CDH13: variants seen among roughly 807,000 people sequenced by gnomAD.
CDH13 encodes the protein cadherin-13.
Under a neutral mutation model 63.8 loss-of-function variants are expected in CDH13, and 24 were observed. The observed-to-expected ratio is 0.38, with a 90% CI of 0.27 to 0.53. The LOEUF is 0.53. Among genes scored for constraint, CDH13 ranks in the 20% least tolerant of loss-of-function variants. CDH13 has a pLI of 0.85. For synonymous variants in CDH13, 503 were observed against 355.3 expected (o/e 1.42, Z -4.67); for missense variants, 1,049 against 903.1 (o/e 1.16, Z -2.07).
chr16:83,424,199 A>G (rs1216982499), intron 6 of CDH13, among the ~76,000 whole-genome samples: 1 of 151,854 alleles, frequency 6.6e-6, no homozygotes, highest in Non-Finnish European at 1.5e-5. Context: ...AACAGTCTAG[A>G]AGGGGGAAAT....
chr16:83,126,217 G>A (rs1338444403), intron 4 of CDH13, among the ~76,000 whole-genome samples: 3 of 152,150 alleles, frequency 2.0e-5, no homozygotes, highest in Non-Finnish European at 4.4e-5. Context: ...TTCTGCGGAA[G>A]GGTGCTGCTT....
At chr16:83,172,574 A>AAAAC (rs770024083) in intron 4 of CDH13, among the ~76,000 whole-genome samples, 1 of 149,732 alleles carries the variant, frequency 6.7e-6, no homozygotes. Flanking sequence ...CAAAAAATGC[A>AAAAC]AAACAAACAA....
At chr16:83,225,588 G>A (rs531476587) in intron 5 of CDH13, among the ~76,000 whole-genome samples, 187 of 152,242 alleles carry the variant, frequency 1.2e-3, no homozygotes, top group Non-Finnish European at 2.0e-3. Context: ...CCTTGGGGTC[G>A]GCAGAACCAG....
intron 7 of CDH13, among the ~76,000 whole-genome samples, chr16:83,520,084 A>T (rs566558079): frequency 6.6e-6 from 1 of 152,204 alleles, no homozygotes; most frequent in Non-Finnish European, 1.5e-5. Flanking sequence ...TCAAGTGCTG[A>T]CAAGTATGTA....
chr16:83,781,412 C>T (rs949850978), intron 12 of CDH13, among the ~76,000 whole-genome samples: 14 of 152,206 alleles, frequency 9.2e-5, no homozygotes, highest in African/African-American at 3.1e-4. Context: ...CTTCTTATGT[C>T]AGTGGTAGAA....
chr16:82,669,341 T>G (rs1912970077), intron 1 of CDH13, among the ~76,000 whole-genome samples: 1 of 152,226 alleles, frequency 6.6e-6, no homozygotes, highest in Admixed American at 6.5e-5. Context: ...TATATTACCC[T>G]ATCAAGCTTA....
At chr16:83,304,857 C>T (rs184756849) in intron 5 of CDH13, among the ~76,000 whole-genome samples, 1 of 152,136 alleles carries the variant, frequency 6.6e-6, no homozygotes, top group African/African-American at 2.4e-5. Flanking sequence ...CCCCACCTTT[C>T]CTCTCTCTGT....
chr16:83,635,053 A>T (rs1210508984), intron 8 of CDH13, among the ~76,000 whole-genome samples: 3 of 152,202 alleles, frequency 2.0e-5, no homozygotes, highest in Non-Finnish European at 4.4e-5. Flanking sequence ...GGAGAAATCC[A>T]GTTCTTCCAC....
intron 1 of CDH13, among the ~76,000 whole-genome samples, chr16:82,820,287 G>A (rs565904272): frequency 5.3e-5 from 8 of 152,160 alleles, no homozygotes; most frequent in Admixed American, 2.0e-4. Context: ...CTGAGTACAC[G>A]TTTACGTTGG....
chr16:82,673,275 C>G (rs1913511752), intron 1 of CDH13, among the ~76,000 whole-genome samples: 1 of 152,138 alleles, frequency 6.6e-6, no homozygotes, highest in African/African-American at 2.4e-5. Context: ...TCTCTTTCCT[C>G]TGTCATTCAT....
At chr16:83,741,347 C>A (rs1912040144) in intron 10 of CDH13, among the ~76,000 whole-genome samples, 1 of 152,072 alleles carries the variant, frequency 6.6e-6, no homozygotes, top group Non-Finnish European at 1.5e-5. Context: ...CCTACTGTTT[C>A]CCTTCTTTCC....
intron 3 of CDH13, among the ~76,000 whole-genome samples, chr16:83,084,094 C>T (rs756862328): frequency 3.9e-5 from 6 of 152,162 alleles, no homozygotes; most frequent in Non-Finnish European, 7.3e-5. Context: ...TGGCAAAAAC[C>T]AATTTTCAGA....
chr16:82,996,074 G>A (rs571679373), intron 2 of CDH13, among the ~76,000 whole-genome samples: 17 of 152,054 alleles, frequency 1.1e-4, no homozygotes, highest in African/African-American at 3.9e-4. Context: ...AGATTAAAAG[G>A]CTTACCGGGC....
intron 1 of CDH13, among the ~76,000 whole-genome samples, chr16:82,789,366 C>T (rs1446788952): frequency 6.6e-6 from 1 of 152,120 alleles, no homozygotes; most frequent in South Asian, 2.1e-4. Flanking sequence ...TATAAAGAGG[C>T]TGATATATGC....
intron 3 of CDH13, among the ~76,000 whole-genome samples, chr16:83,089,485 A>G (rs2033787687): frequency 6.6e-6 from 1 of 152,128 alleles, no homozygotes; most frequent in African/African-American, 2.4e-5. Context: ...AGGCGTCAGG[A>G]ATCTGAATCA....
chr16:83,515,726 A>T (rs1261435893), intron 7 of CDH13, among the ~76,000 whole-genome samples: 2 of 152,214 alleles, frequency 1.3e-5, no homozygotes, highest in East Asian at 3.8e-4. Flanking sequence ...TATTTTTCTC[A>T]AGTTCTCAAT....
intron 1 of CDH13, chr16:82,824,924 TAA>T (rs981059284): frequency 6.6e-6 from 1 of 152,242 alleles, no homozygotes; most frequent in East Asian, 1.9e-4. Flanking sequence ...CTGCTTCTGT[TAA>T]AAAAATACTT....
chr16:82,982,705 C>T (rs532426119), intron 2 of CDH13, among the ~76,000 whole-genome samples: 1 of 152,304 alleles, frequency 6.6e-6, no homozygotes, highest in South Asian at 2.1e-4. Context: ...CAGGTCGTCT[C>T]CCTGTGGCTG....
At chr16:83,046,923 T>A (rs1917841002) in intron 3 of CDH13, among the ~76,000 whole-genome samples, 1 of 152,190 alleles carries the variant, frequency 6.6e-6, no homozygotes, top group African/African-American at 2.4e-5. Context: ...AGAGAGGGCT[T>A]TCCCTTTCCC....
Sources: gnomAD v4.1 joint callset for allele counts (sites outside exome capture counted in the v4.1 genomes callset) on GRCh38, gnomAD v4.1.1 for gene constraint, MANE v1.5 for transcripts, NCBI Gene and HGNC (gene_info 2026-07-23, HGNC 2026-07-21) for gene names.